The following CCNY variants were observed in gnomAD, a reference collection of about 807,000 sequenced individuals.
The protein encoded by CCNY is cyclin Y, also known as cyclin-Y.
In CCNY, 19 loss-of-function variants were observed where a neutral mutation model predicts 42.8. The ratio of observed to expected loss-of-function variants is 0.44; its 90% CI spans 0.31 to 0.65. The LOEUF (loss-of-function observed/expected upper bound fraction) is 0.65. Among genes scored for constraint, CCNY ranks in the 30% least tolerant of loss-of-function variants. The pLI is 0.07. For synonymous variants in CCNY, 165 were observed against 162.7 expected (o/e 1.01, Z -0.11); for missense variants, 370 against 437.3 (o/e 0.85, Z 1.37).
chr10:35,451,125 G>C (rs1200582520), intron 1 of CCNY, among the ~76,000 whole-genome samples: 1 of 152,204 alleles, frequency 6.6e-6, no homozygotes, highest in African/African-American at 2.4e-5. Context: ...GAATAAATGT[G>C]TATTTCCCAT....
At chr10:35,333,503 A>T (rs1487896876), upstream of CCNY, among the ~76,000 whole-genome samples, 1 of 152,200 alleles carries the variant, frequency 6.6e-6, no homozygotes, top group Non-Finnish European at 1.5e-5. Flanking sequence ...GAGAAGTGAC[A>T]CTTGTTTTTT....
At chr10:35,516,661 CTTTTTTTTTTT>C (rs35268084) in intron 4 of CCNY, 38 bp downstream of exon 4, 72 of 327,572 alleles carry the variant, frequency 2.2e-4, no homozygotes, top group African/African-American at 1.9e-3. Flanking sequence ...TCCTTCCTTC[CTTTTTTTTTTT>C]TTTTTTTTTT....
chr10:35,514,075 C>CAAAAAAAAAAAA (rs11451104), intron 3 of CCNY, among the ~76,000 whole-genome samples: 3 of 76,188 alleles, frequency 3.9e-5, no homozygotes, highest in Non-Finnish European at 5.0e-5. Context: ...AGGACCAGTT[C>CAAAAAAAAAAAA]AAAAAAAAAA....
intron 4 of CCNY, 53 bp downstream of exon 4, chr10:35,516,676 T>TA: frequency 9.3e-7 from 1 of 1,076,850 alleles, no homozygotes; most frequent in Non-Finnish European, 1.3e-6. Flanking sequence ...TTTTTTTTTT[T>TA]TTTTTTTTTT....
intron 2 of CCNY, among the ~76,000 whole-genome samples, chr10:35,488,730 A>C (rs1209200885): frequency 6.6e-6 from 1 of 152,180 alleles, no homozygotes; most frequent in Non-Finnish European, 1.5e-5. Flanking sequence ...TGGATTATAA[A>C]CGTTGATATT....
At chr10:35,496,039 G>A (rs1242043586) in intron 2 of CCNY, among the ~76,000 whole-genome samples, 2 of 152,188 alleles carry the variant, frequency 1.3e-5, no homozygotes, top group Non-Finnish European at 2.9e-5. Context: ...CAGGAAAAAG[G>A]AAAGGGAAAT....
chr10:35,526,455 A>T lies in CCNY; in HGVS notation c.401+456A>T, dbSNP rs532090151. Among the ~76,000 whole-genome samples, 69 of 152,342 alleles carry T rather than the reference A, an allele frequency of 4.5e-4. No homozygotes were observed. In the South Asian group the frequency reaches 0.014, roughly 30 times the overall value. ...CTCTGATGTAAGTGTATCTGGCAAT[A>T]GTTGGTTAATTTTAAAAGTCAGTTA... On this transcript the variant is annotated intron_variant, in intron 5 of 9. Coordinates refer to ENST00000374704, the MANE Select transcript of CCNY (RefSeq NM_145012.6).
chr10:35,441,400 G>T (rs541986952), intron 1 of CCNY, among the ~76,000 whole-genome samples: 2 of 152,140 alleles, frequency 1.3e-5, no homozygotes, highest in Non-Finnish European at 2.9e-5. Context: ...CATTGTGTAC[G>T]TTTCTTGTTT....
chr10:35,339,449 T>C (rs536394969), intron 1 of CCNY, among the ~76,000 whole-genome samples: 1 of 152,316 alleles, frequency 6.6e-6, no homozygotes, highest in South Asian at 2.1e-4. Context: ...TATATACATC[T>C]ATATGTCTGT....
chr10:35,414,702 C>T (rs924361910), intron 1 of CCNY, among the ~76,000 whole-genome samples: 9 of 152,284 alleles, frequency 5.9e-5, no homozygotes, highest in Middle Eastern at 3.4e-3. Context: ...ATGACTTCAG[C>T]AAGTTGGGGG....
chr10:35,555,303 C>T (rs552467323), intron 8 of CCNY, among the ~76,000 whole-genome samples: 6 of 152,184 alleles, frequency 3.9e-5, no homozygotes, highest in South Asian at 2.1e-4. Flanking sequence ...TCCTCAGTTA[C>T]GAAGATGTTT....
chr10:35,412,807 G>T (rs1167101794), intron 1 of CCNY, among the ~76,000 whole-genome samples: 1 of 141,320 alleles, frequency 7.1e-6, no homozygotes, highest in South Asian at 2.3e-4. Flanking sequence ...GTTGCAGTGA[G>T]CCGAGATCAC....
At chr10:35,350,268 T>C (rs911670569) in intron 1 of CCNY, among the ~76,000 whole-genome samples, 3 of 152,244 alleles carry the variant, frequency 2.0e-5, no homozygotes, top group Non-Finnish European at 4.4e-5. Flanking sequence ...TCCTTTTGCT[T>C]TTTTCTTCCT....
chr10:35,330,912 G>A (rs1227789365), intron 3 of CCNY, among the ~76,000 whole-genome samples: 1 of 152,088 alleles, frequency 6.6e-6, no homozygotes, highest in African/African-American at 2.4e-5. Flanking sequence ...ATGCGGCACG[G>A]CCATGCCCGG....
At chr10:35,384,111 A>G (rs983631491) in intron 1 of CCNY, among the ~76,000 whole-genome samples, 1 of 152,204 alleles carries the variant, frequency 6.6e-6, no homozygotes, top group African/African-American at 2.4e-5. Flanking sequence ...CTTCCCCTTC[A>G]TATTTTAGCA....
At chr10:35,474,794 G>A (rs1272395375) in intron 1 of CCNY, among the ~76,000 whole-genome samples, 14 of 152,338 alleles carry the variant, frequency 9.2e-5, no homozygotes, top group South Asian at 4.1e-4. Flanking sequence ...AAAGCTGGAC[G>A]GAGAATGACT....
At chr10:35,414,753 A>C (rs551901106) in intron 1 of CCNY, among the ~76,000 whole-genome samples, 12 of 152,070 alleles carry the variant, frequency 7.9e-5, no homozygotes, top group Non-Finnish European at 1.6e-4. Context: ...ATCAGATGAG[A>C]TTTTCACGGT....
At chr10:35,464,723 G>A (rs1348010620) in intron 1 of CCNY, among the ~76,000 whole-genome samples, 1 of 152,148 alleles carries the variant, frequency 6.6e-6, no homozygotes, top group Non-Finnish European at 1.5e-5. Context: ...CCCACCCCCA[G>A]CCTTTAACCC....
intron 5 of CCNY, among the ~76,000 whole-genome samples, chr10:35,528,676 G>T (rs539700445): frequency 6.6e-6 from 1 of 152,306 alleles, no homozygotes; most frequent in East Asian, 1.9e-4. Flanking sequence ...AGTGAGCCGA[G>T]ATTGCACCAG....
Sources: gnomAD v4.1 joint callset for allele counts (sites outside exome capture counted in the v4.1 genomes callset) on GRCh38, gnomAD v4.1.1 for gene constraint, MANE v1.5 for transcripts, NCBI Gene and HGNC (gene_info 2026-07-23, HGNC 2026-07-21) for gene names.